The following AHI1 variants were observed in gnomAD, a reference collection of about 807,000 sequenced individuals.
The protein encoded by AHI1 is jouberin.
A neutral mutation model predicts 149.3 loss-of-function variants in AHI1; 123 were observed. The observed-to-expected ratio is 0.82, with a 90% CI of 0.71 to 0.96. The LOEUF (loss-of-function observed/expected upper bound fraction) is 0.96, where lower values mean the gene tolerates loss of function less well. Among genes scored for constraint, AHI1 ranks in the 40% least tolerant of loss-of-function variants. AHI1 has a pLI of 0.00. For synonymous variants in AHI1, 475 were observed against 459.8 expected, an observed-to-expected ratio of 1.03 and a Z score of -0.42; for missense variants, 1,439 against 1,422.7, an observed-to-expected ratio of 1.01 and a Z score of -0.18.
intron 22 of AHI1, among the ~76,000 whole-genome samples, chr6:135,401,387 A>G (rs1373202710): frequency 6.6e-6 from 1 of 152,232 alleles, no homozygotes. Context: ...TAGATACTCA[A>G]TAAATACTTG....
intron 24 of AHI1, among the ~76,000 whole-genome samples, chr6:135,341,798 G>A (rs931703487): frequency 6.6e-6 from 1 of 151,872 alleles, no homozygotes; most frequent in Non-Finnish European, 1.5e-5. Context: ...TATGTATGGG[G>A]TGTAGAAAAA....
chr6:135,490,766 T>G lies in AHI1; in HGVS notation c.11-19A>C, dbSNP rs945855139. The stretch of plus-strand genomic sequence containing the variant: ...CTCTCAGCTACAAAAGATACAGCCA[T>G]GTGATTTTGTAAATGACTCTATCAT... On this transcript the variant is annotated intron_variant, in intron 4 of 28. Coordinates refer to ENST00000265602, the MANE Select transcript of AHI1 (RefSeq NM_001134831.2). The G allele has an allele frequency of 6.2e-7, 1 of 1,610,226 alleles. No homozygotes were observed. The highest frequency in any genetic ancestry group is 1.1e-5 in the South Asian group (1 of 90,356).
intron 22 of AHI1, 42 bp downstream of exon 22, chr6:135,404,909 T>C: frequency 1.3e-6 from 2 of 1,582,682 alleles, no homozygotes; most frequent in Non-Finnish European, 1.7e-6. Flanking sequence ...GGAGCATCAC[T>C]ATACCTTTGA....
intron 23 of AHI1, among the ~76,000 whole-genome samples, chr6:135,362,500 G>A (rs1377776339): frequency 6.6e-6 from 1 of 152,138 alleles, no homozygotes; most frequent in African/African-American, 2.4e-5. Context: ...ATGCAGGGAT[G>A]TTCCCTTTTC....
intron 24 of AHI1, among the ~76,000 whole-genome samples, chr6:135,331,924 A>G (rs1433349258): frequency 6.6e-6 from 1 of 152,110 alleles, no homozygotes; most frequent in East Asian, 1.9e-4. Flanking sequence ...TAAGCCACCA[A>G]GTTTGTGGTA....
At chr6:135,370,399 C>T (rs918143067) in intron 23 of AHI1, among the ~76,000 whole-genome samples, 1 of 152,204 alleles carries the variant, frequency 6.6e-6, no homozygotes, top group African/African-American at 2.4e-5. Flanking sequence ...TTCAAAAGTC[C>T]TCTTGGGGAG....
At chr6:135,429,770 G>GT in intron 18 of AHI1, 112 bp downstream of exon 18, 1 of 560,330 alleles carries the variant, frequency 1.8e-6, no homozygotes, top group Non-Finnish European at 3.0e-6. Context: ...ATGTTCCTTG[G>GT]TGAGTGTGGG....
chr6:135,336,433 A>G (rs765652686), intron 24 of AHI1, among the ~76,000 whole-genome samples: 10 of 151,996 alleles, frequency 6.6e-5, no homozygotes, highest in Non-Finnish European at 1.2e-4. Flanking sequence ...CCCTGTCTCT[A>G]CTAAAAATAC....
chr6:135,349,078 G>A (rs574070761), intron 24 of AHI1, among the ~76,000 whole-genome samples: 6 of 152,168 alleles, frequency 3.9e-5, no homozygotes, highest in Non-Finnish European at 5.9e-5. Context: ...TTGAACTCCT[G>A]GGCTCAAGTG....
At chr6:135,406,813 ATAT>A (rs1481473940) in intron 21 of AHI1, among the ~76,000 whole-genome samples, 1 of 152,154 alleles carries the variant, frequency 6.6e-6, no homozygotes, top group African/African-American at 2.4e-5. Flanking sequence ...ACCTTTTATT[ATAT>A]TATAAGGTGT....
intron 17 of AHI1, among the ~76,000 whole-genome samples, chr6:135,430,246 C>T (rs1784463344): frequency 6.6e-6 from 1 of 151,886 alleles, no homozygotes; most frequent in African/African-American, 2.4e-5. Flanking sequence ...GTAGTATGTT[C>T]ACTTTCCCAA....
chr6:135,440,915 A>C (rs2128042826), intron 14 of AHI1, among the ~76,000 whole-genome samples: 1 of 152,288 alleles, frequency 6.6e-6, no homozygotes, highest in Non-Finnish European at 1.5e-5. Flanking sequence ...TTTCAATACA[A>C]AATTATGAGA....
Position 135,285,240 on chromosome 6 carries a change from C to T in AHI1, c.*405G>A, listed in dbSNP as rs908508586. On this transcript the variant is annotated 3_prime_UTR_variant, in exon 29 of 29. Transcript: ENST00000265602. ...TTCATATTCTGGGCATAGCATCACA[C>T]ATACAACCATTACCAATATAATAAT... 7 of 217,158 alleles carry T rather than the reference C, an allele frequency of 3.2e-5. No homozygotes were observed. The highest frequency in any genetic ancestry group is 5.5e-5 in the Non-Finnish European group (6 of 109,848). 13.5% of individuals were successfully genotyped at this position (217,158 alleles called of 1,614,324 possible).
chr6:135,452,911 C>T (rs575869292), intron 11 of AHI1, among the ~76,000 whole-genome samples: 58 of 152,174 alleles, frequency 3.8e-4, no homozygotes, highest in Middle Eastern at 3.4e-3. Context: ...CCATCCTATA[C>T]CTCTTTACGA....
chr6:135,383,228 T>C (rs955561509), intron 23 of AHI1, among the ~76,000 whole-genome samples: 2 of 96,072 alleles, frequency 2.1e-5, no homozygotes, highest in Non-Finnish European at 2.0e-5. Context: ...CCCCCTCCCT[T>C]TTTTTTTTTT....
chr6:135,496,634 T>C (rs1240410062), intron 2 of AHI1, among the ~76,000 whole-genome samples: 1 of 152,246 alleles, frequency 6.6e-6, no homozygotes, highest in Non-Finnish European at 1.5e-5. Flanking sequence ...CATCTCATTT[T>C]ATTTTACAGA....
intron 23 of AHI1, among the ~76,000 whole-genome samples, chr6:135,365,246 C>T (rs188060106): frequency 7.9e-5 from 12 of 152,266 alleles, no homozygotes; most frequent in Non-Finnish European, 1.3e-4. Context: ...TAATGTGATG[C>T]CTCCATATTT....
chr6:135,353,767 T>C (rs970436255), intron 24 of AHI1, among the ~76,000 whole-genome samples: 1 of 152,078 alleles, frequency 6.6e-6, no homozygotes, highest in Non-Finnish European at 1.5e-5. Context: ...CAAACAATAT[T>C]ACAAACATCT....
At chr6:135,484,237 G>A (rs1158069291) in intron 5 of AHI1, among the ~76,000 whole-genome samples, 1 of 152,072 alleles carries the variant, frequency 6.6e-6, no homozygotes, top group African/African-American at 2.4e-5. Context: ...ATGACACACG[G>A]GAATTTTGGG....
Sources: gnomAD v4.1 joint callset for allele counts (sites outside exome capture counted in the v4.1 genomes callset) on GRCh38, gnomAD v4.1.1 for gene constraint, MANE v1.5 for transcripts, NCBI Gene and HGNC (gene_info 2026-07-23, HGNC 2026-07-21) for gene names.